ZEB1: variants seen among roughly 807,000 people sequenced by gnomAD.
ZEB1 encodes the protein zinc finger E-box binding homeobox 1.
Under a neutral mutation model 84.9 loss-of-function variants are expected in ZEB1, and 21 were observed. That is an observed-to-expected ratio of 0.25 (90% CI 0.18 to 0.36). The LOEUF (loss-of-function observed/expected upper bound fraction) is 0.36, where lower values mean the gene tolerates loss of function less well. ZEB1 is among the 10% of genes least tolerant of loss of function. ZEB1 has a pLI of 1.00. For missense variants in ZEB1, 1,104 were observed against 1,330.2 expected (o/e 0.83, Z 2.65); for synonymous variants, 420 against 471.1 (o/e 0.89, Z 1.41).
upstream of ZEB1, chr10:31,319,004 A>T: frequency 7.2e-6 from 4 of 558,774 alleles, no homozygotes; most frequent in Non-Finnish European, 1.3e-5. Flanking sequence ...CTCGCCCCTC[A>T]ATTCAAATTC....
chr10:31,393,659 A>C (rs891232537), intron 1 of ZEB1, among the ~76,000 whole-genome samples: 3 of 152,174 alleles, frequency 2.0e-5, no homozygotes, highest in East Asian at 1.9e-4. Context: ...AAACAATTCA[A>C]CATCTGTGTG....
At chr10:31,340,352 A>G (rs528481603) in intron 1 of ZEB1, among the ~76,000 whole-genome samples, 1 of 152,164 alleles carries the variant, frequency 6.6e-6, no homozygotes, top group African/African-American at 2.4e-5. Flanking sequence ...CAGACTTGAA[A>G]TCATTTAGAG....
chr10:31,384,162 G>C (rs1032653212), intron 1 of ZEB1, among the ~76,000 whole-genome samples: 2 of 151,862 alleles, frequency 1.3e-5, no homozygotes, highest in African/African-American at 2.4e-5. Context: ...TTTTAGTAGA[G>C]ACGGGGTTTC....
intron 1 of ZEB1, 187 bp downstream of exon 1, chr10:31,319,479 G>A: frequency 1.6e-6 from 1 of 625,254 alleles, no homozygotes; most frequent in South Asian, 1.9e-5. Context: ...GCCGCGCCGC[G>A]GCCGCTCGCT....
At chr10:31,366,292 C>T (rs2044473008) in intron 1 of ZEB1, among the ~76,000 whole-genome samples, 1 of 152,112 alleles carries the variant, frequency 6.6e-6, no homozygotes. Context: ...CTAATTTGTC[C>T]TCACTGCCAA....
intron 1 of ZEB1, among the ~76,000 whole-genome samples, chr10:31,325,742 C>T (rs532791247): frequency 2.6e-5 from 4 of 151,700 alleles, no homozygotes; most frequent in Non-Finnish European, 5.9e-5. Flanking sequence ...TTGTTTTATT[C>T]TATATTGAAA....
At chr10:31,504,262 C>T (rs1410848118) in intron 4 of ZEB1, among the ~76,000 whole-genome samples, 1 of 151,666 alleles carries the variant, frequency 6.6e-6, no homozygotes. Context: ...AATCAAATGG[C>T]TGTTAATAAT....
At chr10:31,336,915 C>G (rs1325728904) in intron 1 of ZEB1, among the ~76,000 whole-genome samples, 1 of 152,114 alleles carries the variant, frequency 6.6e-6, no homozygotes, top group East Asian at 1.9e-4. Flanking sequence ...GAAATAATTT[C>G]ACATTATTAA....
chr10:31,468,697 C>A (rs978256012), intron 2 of ZEB1, among the ~76,000 whole-genome samples: 1 of 152,120 alleles, frequency 6.6e-6, no homozygotes. Flanking sequence ...CCTTGGCCCC[C>A]TAAAAGCACG....
rs201395030 is a variant in ZEB1, at chr10:31,345,297, CA to C, written c.58+26006del. ...ACTGTGATAGAAAAAAATAGATTGGCAGGGGCGGGGGTTGTATTATATAATG... is the reference window on the plus strand; with the variant it reads ...ACTGTGATAGAAAAAAATAGATTGGCGGGGCGGGGGTTGTATTATATAATG... On this transcript the variant is annotated intron_variant, in intron 1 of 8. Transcript: ENST00000424869. Among the ~76,000 whole-genome samples the C allele has an allele frequency of 2.4e-4, 37 of 152,108 alleles. No individual in the cohort carries two copies. In the East Asian group the frequency reaches 7.1e-3, roughly 29 times the overall value.
At chr10:31,318,915 C>G (rs556012163), upstream of ZEB1, 54 of 434,950 alleles carry the variant, frequency 1.2e-4, no homozygotes, top group South Asian at 1.1e-3. Flanking sequence ...TCCGACAGCC[C>G]GTCGCCTTTC....
chr10:31,392,769 T>C (rs1335748851), intron 1 of ZEB1, among the ~76,000 whole-genome samples: 2 of 151,500 alleles, frequency 1.3e-5, no homozygotes, highest in East Asian at 3.9e-4. Flanking sequence ...CTTGGAACAC[T>C]ACATATATAT....
intron 1 of ZEB1, among the ~76,000 whole-genome samples, chr10:31,411,250 C>T (rs1226452030): frequency 6.6e-6 from 1 of 152,104 alleles, no homozygotes; most frequent in African/African-American, 2.4e-5. Flanking sequence ...GAACAACCTG[C>T]TCCTGAATGA....
intron 1 of ZEB1, among the ~76,000 whole-genome samples, chr10:31,388,823 A>G (rs1336657986): frequency 6.6e-6 from 1 of 152,018 alleles, no homozygotes; most frequent in Admixed American, 6.6e-5. Flanking sequence ...CCTTTTTGCC[A>G]GTTGAGAAAA....
chr10:31,370,934 G>C (rs1476716958), intron 1 of ZEB1, among the ~76,000 whole-genome samples: 2 of 152,064 alleles, frequency 1.3e-5, no homozygotes, highest in African/African-American at 4.8e-5. Flanking sequence ...GCCAAGGCTG[G>C]TCTGAACTCC....
chr10:31,417,800 A>T (rs897783857), intron 1 of ZEB1, among the ~76,000 whole-genome samples: 8 of 146,616 alleles, frequency 5.5e-5, no homozygotes, highest in Admixed American at 5.4e-4. Flanking sequence ...TTGATTCAGT[A>T]AAAAAAAAAA....
chr10:31,451,757 T>C (rs1176343494), intron 1 of ZEB1, among the ~76,000 whole-genome samples: 1 of 152,150 alleles, frequency 6.6e-6, no homozygotes, highest in African/African-American at 2.4e-5. Flanking sequence ...GATGGGAGTT[T>C]AGATAAAAGG....
At chr10:31,412,112 A>G (rs1483665072) in intron 1 of ZEB1, among the ~76,000 whole-genome samples, 2 of 152,224 alleles carry the variant, frequency 1.3e-5, no homozygotes, top group African/African-American at 2.4e-5. Context: ...TAGTGAAAGT[A>G]TGTCCTACTT....
intron 2 of ZEB1, among the ~76,000 whole-genome samples, chr10:31,483,340 A>C (rs940480029): frequency 1.3e-5 from 2 of 152,026 alleles, no homozygotes; most frequent in Admixed American, 1.3e-4. Context: ...GACAGGTTAA[A>C]TATCTTGCCA....
Sources: allele counts gnomAD v4.1 joint callset (sites outside exome capture counted in the v4.1 genomes callset), GRCh38; gene constraint gnomAD v4.1.1; transcripts MANE v1.5; gene names NCBI Gene and HGNC (gene_info 2026-07-23, HGNC 2026-07-21).